Variants in NXPE4 observed in about 807,000 individuals in gnomAD.
NXPE4 encodes neurexophilin and PC-esterase domain family member 4.
In NXPE4, 42 loss-of-function variants were observed where a neutral mutation model predicts 33.3. The ratio of observed to expected loss-of-function variants is 1.26; its 90% CI spans 0.98 to 1.63. NXPE4 has a LOEUF of 1.63. NXPE4 is among the 40% of genes most tolerant of loss of function. The pLI is 0.00. For synonymous variants in NXPE4, 253 were observed against 234.9 expected, an observed-to-expected ratio of 1.08 and a Z score of -0.71; for missense variants, 709 against 647.6, an observed-to-expected ratio of 1.09 and a Z score of -1.03.
chr11:114,637,794 C>G, the NXPE4 span, among the ~76,000 whole-genome samples: 1 of 151,986 alleles, frequency 6.6e-6, no homozygotes, highest in South Asian at 2.1e-4. Flanking sequence ...TATTGGCCCC[C>G]ACTCTCTTCT....
the NXPE4 span, among the ~76,000 whole-genome samples, chr11:114,655,082 C>CT: frequency 6.6e-6 from 1 of 151,968 alleles, no homozygotes; most frequent in African/African-American, 2.4e-5. Context: ...TGATAATGAG[C>CT]TTTTTTTTCT....
chr11:114,664,989 A>G, the NXPE4 span, among the ~76,000 whole-genome samples: 1 of 152,172 alleles, frequency 6.6e-6, no homozygotes, highest in South Asian at 2.1e-4. Flanking sequence ...TGCATTTTCA[A>G]CTTAGGATAT....
At chr11:114,643,819 T>A in the NXPE4 span, among the ~76,000 whole-genome samples, 3 of 152,186 alleles carry the variant, frequency 2.0e-5, no homozygotes, top group African/African-American at 4.8e-5. Context: ...GGTAGCTTGA[T>A]GGGGATAGCA....
At chr11:114,674,933 A>C in the NXPE4 span, among the ~76,000 whole-genome samples, 10 of 151,986 alleles carry the variant, frequency 6.6e-5, no homozygotes, top group East Asian at 1.4e-3. Flanking sequence ...ATTCAATAGC[A>C]CATTGAAAGA....
At chr11:114,633,588 T>A in the NXPE4 span, among the ~76,000 whole-genome samples, 6 of 151,722 alleles carry the variant, frequency 4.0e-5, no homozygotes, top group South Asian at 1.2e-3. Context: ...GCATTAGGTA[T>A]ATCTCATAAT....
the NXPE4 span, among the ~76,000 whole-genome samples, chr11:114,642,301 T>C: frequency 6.6e-6 from 1 of 152,082 alleles, no homozygotes; most frequent in African/African-American, 2.4e-5. Flanking sequence ...TACCTGACCA[T>C]GAGCAGTGGT....
chr11:114,657,586 G>A, the NXPE4 span, among the ~76,000 whole-genome samples: 1 of 151,760 alleles, frequency 6.6e-6, no homozygotes, highest in Admixed American at 6.6e-5. Context: ...CGTATAATAG[G>A]AAGGATGTAT....
At chr11:114,644,449 G>A in the NXPE4 span, among the ~76,000 whole-genome samples, 12 of 152,228 alleles carry the variant, frequency 7.9e-5, no homozygotes, top group Admixed American at 3.3e-4. Flanking sequence ...AGTTTATTGA[G>A]AGTTTTTAGC....
the NXPE4 span, among the ~76,000 whole-genome samples, chr11:114,647,705 ATTTTT>A: frequency 1.4e-5 from 2 of 147,458 alleles, no homozygotes; most frequent in African/African-American, 2.5e-5. Context: ...ATTTTATTTT[ATTTTT>A]TTTTTTTTTG....
At chr11:114,625,488 G>A in the NXPE4 span, among the ~76,000 whole-genome samples, 1 of 152,150 alleles carries the variant, frequency 6.6e-6, no homozygotes, top group Non-Finnish European at 1.5e-5. Flanking sequence ...AATATGTATG[G>A]CCTCGTGGGT....
chr11:114,644,290 C>G, the NXPE4 span, among the ~76,000 whole-genome samples: 2 of 152,184 alleles, frequency 1.3e-5, no homozygotes, highest in South Asian at 4.1e-4. Flanking sequence ...TCCAATACTA[C>G]GTTGAATAGG....
the NXPE4 span, among the ~76,000 whole-genome samples, chr11:114,674,817 C>T: frequency 6.6e-6 from 1 of 151,834 alleles, no homozygotes; most frequent in South Asian, 2.1e-4. Context: ...CCAGCATTGT[C>T]CCGATATCAA....
chr11:114,639,259 G>T, the NXPE4 span, among the ~76,000 whole-genome samples: 2 of 152,036 alleles, frequency 1.3e-5, no homozygotes, highest in East Asian at 3.9e-4. Context: ...GTGGGCATAG[G>T]ACCCTCCGAG....
chr11:114,636,082 A>G, the NXPE4 span, among the ~76,000 whole-genome samples: 1 of 77,088 alleles, frequency 1.3e-5, no homozygotes, highest in Non-Finnish European at 2.5e-5. Context: ...TCGACTGTGA[A>G]TCCATCTGGT....
intron 2 of NXPE4, among the ~76,000 whole-genome samples, chr11:114,589,616 C>T (rs1262298460): frequency 1.3e-5 from 2 of 152,136 alleles, no homozygotes; most frequent in South Asian, 2.1e-4. Context: ...TTTTTCTCCT[C>T]TAGTGGAAGC....
chr11:114,673,701 A>G, the NXPE4 span, among the ~76,000 whole-genome samples: 1 of 151,890 alleles, frequency 6.6e-6, no homozygotes, highest in South Asian at 2.1e-4. Flanking sequence ...AGAGAAAGTT[A>G]AACTTGGGAA....
the NXPE4 span, among the ~76,000 whole-genome samples, chr11:114,612,445 T>C: frequency 6.6e-6 from 1 of 151,776 alleles, no homozygotes; most frequent in Non-Finnish European, 1.5e-5. Flanking sequence ...GGGTCACCAC[T>C]GCTACCTGAT....
the NXPE4 span, among the ~76,000 whole-genome samples, chr11:114,677,773 T>C: frequency 2.0e-5 from 3 of 152,182 alleles, no homozygotes; most frequent in South Asian, 2.1e-4. Context: ...ATAGCTATCA[T>C]CTATCTATAT....
the NXPE4 span, among the ~76,000 whole-genome samples, chr11:114,644,770 T>C: frequency 2.0e-5 from 3 of 151,618 alleles, no homozygotes; most frequent in Non-Finnish European, 2.9e-5. Context: ...CAAAAATACA[T>C]ATCTAAATCT....
Sources: gnomAD v4.1 joint callset for allele counts (sites outside exome capture counted in the v4.1 genomes callset) on GRCh38, gnomAD v4.1.1 for gene constraint, MANE v1.5 for transcripts, NCBI Gene and HGNC (gene_info 2026-07-23, HGNC 2026-07-21) for gene names.